The following BLK variants were observed in gnomAD, a reference collection of about 807,000 sequenced individuals.
BLK encodes BLK proto-oncogene, Src family tyrosine kinase, also known as tyrosine-protein kinase Blk.
Under a neutral mutation model 61.8 loss-of-function variants are expected in BLK, and 64 were observed. The ratio of observed to expected loss-of-function variants is 1.03; its 90% confidence interval spans 0.85 to 1.27. BLK has a LOEUF of 1.27. Ranked by LOEUF, BLK falls within the 50% of genes most tolerant of loss-of-function variation. The pLI, the probability that BLK is intolerant of heterozygous loss-of-function variation, is 0.00. For missense variants in BLK, 853 were observed against 660.5 expected (o/e 1.29, Z -3.19); for synonymous variants, 351 against 272.0 (o/e 1.29, Z -2.86).
At chr8:11,528,155 G>A (rs947525588) in intron 1 of BLK, among the ~76,000 whole-genome samples, 1 of 152,066 alleles carries the variant, frequency 6.6e-6, no homozygotes, top group Non-Finnish European at 1.5e-5. Context: ...TCCCACCTCA[G>A]CCTCCCAAGT....
intron 12 of BLK, among the ~76,000 whole-genome samples, chr8:11,563,614 T>A (rs1801590868): frequency 1.3e-5 from 2 of 152,306 alleles, no homozygotes; most frequent in South Asian, 4.1e-4. Flanking sequence ...GTGCCCCTGG[T>A]GGTCACAGGT....
chr8:11,553,336 A>C (rs1404474325), intron 6 of BLK: 1 of 413,592 alleles, frequency 2.4e-6, no homozygotes, highest in Middle Eastern at 3.5e-4. Context: ...TCTCAGAGCC[A>C]GGCCCTGCCT....
intron 1 of BLK, among the ~76,000 whole-genome samples, chr8:11,518,023 G>A (rs914246548): frequency 1.3e-5 from 2 of 152,192 alleles, no homozygotes; most frequent in African/African-American, 4.8e-5. Context: ...CACTGTCAGG[G>A]CCTGCCCCAG....
chr8:11,539,899 C>A (rs1800300398), intron 1 of BLK, among the ~76,000 whole-genome samples: 1 of 152,158 alleles, frequency 6.6e-6, no homozygotes, highest in East Asian at 1.9e-4. Context: ...TTATATGCTG[C>A]AATATACTTC....
intron 3 of BLK, among the ~76,000 whole-genome samples, chr8:11,547,336 C>T (rs905226921): frequency 3.3e-5 from 5 of 152,250 alleles, no homozygotes; most frequent in East Asian, 1.9e-4. Flanking sequence ...CCACCCCACC[C>T]GGGGAAGCTA....
chr8:11,502,986 C>T (rs1798626483), intron 1 of BLK, among the ~76,000 whole-genome samples: 1 of 152,228 alleles, frequency 6.6e-6, no homozygotes, highest in African/African-American at 2.4e-5. Context: ...AAAACGGCTA[C>T]TGTTTTCCAC....
intron 1 of BLK, among the ~76,000 whole-genome samples, chr8:11,528,055 G>C (rs1799737448): frequency 1.3e-5 from 2 of 151,946 alleles, no homozygotes; most frequent in African/African-American, 4.8e-5. Context: ...CTTTTTCTTT[G>C]AGACAGAGTC....
Position 11,543,254 on chromosome 8 carries a change from C to A in BLK, c.30C>A (p.Asp10Glu), listed in dbSNP as rs77282256. 5.6e-6 allele frequency: 9 copies of A among 1,613,956 alleles called. No individual in the cohort carries two copies. The highest frequency in any genetic ancestry group is 1.1e-5 in the South Asian group (1 of 91,080). MGLVSSKKPDKEKPIKEKDK... is the reference protein window; with the variant it reads MGLVSSKKPEKEKPIKEKDK... ...GGCTGGTAAGTAGCAAAAAGCCGGA[C>A]AAGGAAAAGCCGATCAAAGAGAAGG... Residue 10 changes from aspartate to glutamate, a missense_variant, in exon 2 of 13, where the codon GAC becomes GAA. Asp to Glu is a conservative substitution (Grantham distance 45). Transcript: ENST00000259089.
At chr8:11,549,564 T>C (rs1170700577) in intron 5 of BLK, among the ~76,000 whole-genome samples, 1 of 152,166 alleles carries the variant, frequency 6.6e-6, no homozygotes, top group Non-Finnish European at 1.5e-5. Flanking sequence ...TCTTCTCCCA[T>C]GTCCCCATGG....
intron 1 of BLK, among the ~76,000 whole-genome samples, chr8:11,519,221 G>C (rs1372773141): frequency 1.4e-4 from 21 of 152,202 alleles, no homozygotes; most frequent in Non-Finnish European, 3.1e-4. Flanking sequence ...GAAGGAATCA[G>C]ACCCTCTCTG....
intron 1 of BLK, among the ~76,000 whole-genome samples, chr8:11,512,072 A>G (rs1799031372): frequency 1.3e-5 from 2 of 152,366 alleles, no homozygotes; most frequent in Non-Finnish European, 1.5e-5. Context: ...AAATACAAAG[A>G]TAAACAACCA....
intron 1 of BLK, among the ~76,000 whole-genome samples, chr8:11,516,604 C>G (rs1333272634): frequency 6.6e-6 from 1 of 152,216 alleles, no homozygotes; most frequent in Non-Finnish European, 1.5e-5. Flanking sequence ...AGCCCCCAGC[C>G]CCTGACACCT....
At chr8:11,505,772 A>T (rs1326626333) in intron 1 of BLK, among the ~76,000 whole-genome samples, 1 of 152,146 alleles carries the variant, frequency 6.6e-6, no homozygotes, top group Admixed American at 6.5e-5. Flanking sequence ...GCCTCCAGGG[A>T]GTGGACAGTC....
chr8:11,552,766 G>C (rs1267984789), intron 6 of BLK: 2 of 152,192 alleles, frequency 1.3e-5, no homozygotes, highest in Admixed American at 6.5e-5. Context: ...GAGGAAGAAG[G>C]GGTTCTCTAT....
intron 10 of BLK, chr8:11,560,964 A>G: frequency 2.0e-6 from 1 of 504,068 alleles, no homozygotes; most frequent in Non-Finnish European, 3.9e-6. Context: ...CTTCCTTACC[A>G]TTTCTTCTCT....
intron 10 of BLK, chr8:11,558,693 G>A (rs926490853): frequency 2.2e-5 from 10 of 456,270 alleles, no homozygotes; most frequent in African/African-American, 1.8e-4. Context: ...AGAGCAGAGT[G>A]GAGAGGAGGG....
At chr8:11,547,272 G>T (rs1259314886) in intron 3 of BLK, among the ~76,000 whole-genome samples, 1 of 152,254 alleles carries the variant, frequency 6.6e-6, no homozygotes, top group Non-Finnish European at 1.5e-5. Context: ...CTTTCCTGCT[G>T]AGAAGAGGTG....
At chr8:11,534,441 C>T (rs1302170512) in intron 1 of BLK, among the ~76,000 whole-genome samples, 14 of 152,058 alleles carry the variant, frequency 9.2e-5, no homozygotes, top group African/African-American at 1.9e-4. Flanking sequence ...GAATTTTATC[C>T]GTCCCCAGAA....
rs1271605637 is a variant in BLK at position 11,561,357 on chromosome 8, G to A, written c.1085G>A (p.Arg362Gln). ...ATGAATTCCATCCACCGCGACCTGCGGGCGGCCAACATCCTGGTGTCTGAG... is the reference window on the plus strand; with the variant it reads ...ATGAATTCCATCCACCGCGACCTGCAGGCGGCCAACATCCTGGTGTCTGAG... ...ERMNSIHRDLRAANILVSEAL... is the reference protein window; with the variant it reads ...ERMNSIHRDLQAANILVSEAL... The change falls in exon 11 of 13, where the codon CGG becomes CAG. Residue 362 changes from arginine to glutamine, a missense_variant. Arg to Gln is a conservative substitution (Grantham distance 43). Coordinates refer to ENST00000259089, the MANE Select transcript of BLK (RefSeq NM_001715.3). 1.7e-5 allele frequency: 27 copies of A among 1,614,084 alleles called. No homozygotes were observed. The highest frequency in any genetic ancestry group is 5.0e-5 in the Admixed American group (3 of 60,016).
Sources: allele counts gnomAD v4.1 joint callset (sites outside exome capture counted in the v4.1 genomes callset), GRCh38; gene constraint gnomAD v4.1.1; transcripts MANE v1.5; gene names NCBI Gene and HGNC (gene_info 2026-07-23, HGNC 2026-07-21).